PEX14: variants seen among roughly 807,000 people sequenced by gnomAD.
PEX14 encodes peroxisomal biogenesis factor 14.
A neutral mutation model predicts 49.5 loss-of-function variants in PEX14; 15 were observed. The ratio of observed to expected loss-of-function variants is 0.30; its 90% CI spans 0.20 to 0.47. The LOEUF (loss-of-function observed/expected upper bound fraction) is 0.47. Ranked by LOEUF, PEX14 falls within the 20% of genes least tolerant of loss-of-function variation. The pLI, the probability that PEX14 is intolerant of heterozygous loss-of-function variation, is 1.00. For missense variants in PEX14, 398 were observed against 494.8 expected (o/e 0.80, Z 1.86); for synonymous variants, 210 against 212.7 (o/e 0.99, Z 0.11).
chr1:10,577,038 A>G (rs1640137049), intron 3 of PEX14, among the ~76,000 whole-genome samples: 1 of 151,520 alleles, frequency 6.6e-6, no homozygotes, highest in African/African-American at 2.4e-5. Context: ...CACCACACCC[A>G]GCCTAATTGC....
At chr1:10,570,808 A>G (rs1474031370) in intron 3 of PEX14, among the ~76,000 whole-genome samples, 1 of 149,408 alleles carries the variant, frequency 6.7e-6, no homozygotes, top group Non-Finnish European at 1.5e-5. Flanking sequence ...TCAAGCTGCT[A>G]TGTCTAACTG....
chr1:10,524,969 C>T (rs560865235), intron 2 of PEX14, among the ~76,000 whole-genome samples: 15 of 152,334 alleles, frequency 9.8e-5, no homozygotes, highest in Non-Finnish European at 1.8e-4. Flanking sequence ...GAATTATAGG[C>T]GTGGGCCACC....
chr1:10,589,936 T>G (rs1225424605), intron 3 of PEX14, among the ~76,000 whole-genome samples: 4 of 152,174 alleles, frequency 2.6e-5, no homozygotes, highest in African/African-American at 9.7e-5. Context: ...TGCCAATACA[T>G]CTGAATGATA....
chr1:10,511,749 T>G (rs772434986), intron 2 of PEX14, among the ~76,000 whole-genome samples: 1 of 151,944 alleles, frequency 6.6e-6, no homozygotes, highest in Non-Finnish European at 1.5e-5. Context: ...GCCTGTGAGA[T>G]CTCTGACCTC....
In PEX14 at chr1:10,495,283, A is replaced by G. The variant is rs1641538555; in HGVS notation, c.46A>G (p.Thr16Ala). ...CCATTTTTCTCTGCAGCCAAGCTCTACTCCAGGAAGTGAAAATGTGCTGCC... is the reference window on the plus strand; with the variant it reads ...CCATTTTTCTCTGCAGCCAAGCTCTGCTCCAGGAAGTGAAAATGTGCTGCC... ...QAEQPSQPSS[T>A]PGSENVLPRE... is the part of the protein sequence containing the mutation. The change falls in exon 2 of 9, where the codon ACT becomes GCT. Residue 16 changes from threonine to alanine, a missense_variant. Physicochemically the swap from Thr to Ala is moderately conservative, Grantham distance 58. Transcript: ENST00000356607. This position sits in a 1 kb window ranked among gnomAD's most constrained non-coding sequence, Gnocchi z 4.2. 6.2e-7 allele frequency: 1 copy of G among 1,613,774 alleles called. No homozygotes were observed. The highest frequency in any genetic ancestry group is 8.5e-7 in the Non-Finnish European group (1 of 1,179,916).
intron 3 of PEX14, among the ~76,000 whole-genome samples, chr1:10,566,270 C>G (rs940764932): frequency 5.9e-5 from 9 of 152,144 alleles, no homozygotes. Context: ...TTTTTATTTC[C>G]GTATCTACAA....
chr1:10,484,699 GA>G (rs1159578552), intron 1 of PEX14, among the ~76,000 whole-genome samples: 1 of 151,588 alleles, frequency 6.6e-6, no homozygotes, highest in Non-Finnish European at 1.5e-5. Context: ...CTACTATTGA[GA>G]AATCTGTCAG....
intron 2 of PEX14, among the ~76,000 whole-genome samples, chr1:10,530,918 G>T (rs1014198300): frequency 6.6e-6 from 1 of 152,120 alleles, no homozygotes; most frequent in African/African-American, 2.4e-5. Context: ...TTGCATACTT[G>T]TAGATTTTTC....
At position 10,494,841 on chromosome 1, in the gene PEX14, C is replaced by G. The variant is rs1186545426; in HGVS notation, c.37-433C>G. Among the ~76,000 whole-genome samples, 1 of 152,198 alleles carries G rather than the reference C, an allele frequency of 6.6e-6. No homozygotes were observed. The highest frequency in any genetic ancestry group is 1.5e-5 in the Non-Finnish European group (1 of 68,036). On this transcript the variant is annotated intron_variant, in intron 1 of 8. Transcript: ENST00000356607. This position sits in a 1 kb window ranked among gnomAD's most constrained non-coding sequence, Gnocchi z 4.3. ...AGCTGGGGCCCCCTGGTGGTGGAAT[C>G]TGGTTCTCCACTGCTGCGCGACTTT...
Position 10,530,693 on chromosome 1 carries a change from G to A in PEX14, c.85-5520G>A, listed in dbSNP as rs369223942. ...CTTACCTGGCTATTGGGCCCTTGGC[G>A]TCCCTGAGTTGCAGTCACACTCTGA... On this transcript the variant is annotated intron_variant, in intron 2 of 8. Coordinates refer to ENST00000356607, the MANE Select transcript of PEX14 (RefSeq NM_004565.3). Among the ~76,000 whole-genome samples the A allele has an allele frequency of 8.5e-5, 13 of 152,286 alleles. No individual in the cohort carries two copies. The East Asian group carries it at 1.5e-3, about 18-fold the overall frequency.
chr1:10,592,380 G>GT (rs1355242827), intron 3 of PEX14, among the ~76,000 whole-genome samples: 4 of 151,400 alleles, frequency 2.6e-5, no homozygotes, highest in African/African-American at 9.7e-5. Context: ...ACTTCTCTTT[G>GT]TTTTTGTTTC....
chr1:10,553,104 T>C (rs574042652), intron 3 of PEX14, among the ~76,000 whole-genome samples: 12 of 152,252 alleles, frequency 7.9e-5, no homozygotes, highest in Middle Eastern at 3.4e-3. Context: ...GCTAGCGTTT[T>C]AGAAAGCTCT....
intron 4 of PEX14, among the ~76,000 whole-genome samples, chr1:10,604,138 G>A (rs186462695): frequency 1.3e-5 from 2 of 152,320 alleles, no homozygotes; most frequent in Non-Finnish European, 2.9e-5. Context: ...TAGGAAAGAC[G>A]GTTAGGCCAA....
chr1:10,550,741 G>A (rs1168478793), intron 3 of PEX14, among the ~76,000 whole-genome samples: 3 of 152,198 alleles, frequency 2.0e-5, no homozygotes, highest in Non-Finnish European at 4.4e-5. Flanking sequence ...CCAATTTGAG[G>A]AGCAGGGTCT....
rs1254559545 is a variant in PEX14, at chr1:10,512,643, C to CA, written c.84+17323dup. 2.0e-5 allele frequency among the ~76,000 whole-genome samples: 3 copies of CA among 152,116 alleles called. No homozygotes were observed. Among genetic ancestry groups the CA allele is most frequent in the Admixed American group, 1.3e-4 (2 of 15,264 alleles). ...TTATAATGAAAAAGAACAATATATT[C>CA]AGATGCATAGGATCGTTTTTAAATG... On this transcript the variant is annotated intron_variant, in intron 2 of 8. Coordinates refer to ENST00000356607, the MANE Select transcript of PEX14 (RefSeq NM_004565.3). This position sits in a 1 kb window ranked among gnomAD's most constrained non-coding sequence, Gnocchi z 4.6.
rs538701877 is a variant in PEX14, at chr1:10,619,189, C to T, written c.384+772C>T. 3.3e-5 allele frequency among the ~76,000 whole-genome samples: 5 copies of T among 152,160 alleles called. No individual in the cohort carries two copies. In the South Asian group the frequency reaches 1.0e-3, roughly 32 times the overall value. On this transcript the variant is annotated intron_variant, in intron 5 of 8. Transcript: ENST00000356607. The stretch of plus-strand genomic sequence containing the variant: ...CTCCCTTGTGAAGGCCCAACTTGGA[C>T]GTGAAGCAAATGAGTCTAGAGTCTA...
At chr1:10,538,657 G>T (rs1638909971) in intron 3 of PEX14, among the ~76,000 whole-genome samples, 1 of 152,252 alleles carries the variant, frequency 6.6e-6, no homozygotes, top group Admixed American at 6.5e-5. Flanking sequence ...CTGTTCCAGG[G>T]TCAGGTTTCC....
chr1:10,548,672 T>G (rs1639246914), intron 3 of PEX14, among the ~76,000 whole-genome samples: 6 of 152,222 alleles, frequency 3.9e-5, no homozygotes. Flanking sequence ...AAATTTATTT[T>G]TAACTATAGA....
intron 2 of PEX14, among the ~76,000 whole-genome samples, chr1:10,535,679 G>T (rs1455739750): frequency 6.6e-6 from 1 of 152,194 alleles, no homozygotes; most frequent in Non-Finnish European, 1.5e-5. Flanking sequence ...AGGCACTGAA[G>T]AATTGAAGAG....
Sources: gnomAD v4.1 joint callset for allele counts (sites outside exome capture counted in the v4.1 genomes callset) on GRCh38, gnomAD v4.1.1 for gene constraint, Gnocchi (gnomAD v3.1) non-coding constraint, MANE v1.5 for transcripts, NCBI Gene and HGNC (gene_info 2026-07-23, HGNC 2026-07-21) for gene names.